The following WWOX variants were observed in gnomAD, a reference collection of about 807,000 sequenced individuals.
The protein encoded by WWOX is WW domain-containing oxidoreductase.
A neutral mutation model predicts 46.2 loss-of-function variants in WWOX; 69 were observed. That is an observed-to-expected ratio of 1.49 (90% confidence interval 1.23 to 1.82). WWOX has a LOEUF of 1.82. WWOX is among the 40% of genes most tolerant of loss of function. The pLI is 0.00. For synonymous variants in WWOX, 359 were observed against 202.6 expected, an observed-to-expected ratio of 1.77 and a Z score of -6.56; for missense variants, 919 against 542.6, an observed-to-expected ratio of 1.69 and a Z score of -6.89.
chr16:78,274,606 C>A (rs543326488), intron 5 of WWOX, among the ~76,000 whole-genome samples: 14 of 152,236 alleles, frequency 9.2e-5, no homozygotes, highest in African/African-American at 3.4e-4. Flanking sequence ...TTCAATGTTG[C>A]TCATCAGGGT....
intron 8 of WWOX, among the ~76,000 whole-genome samples, chr16:78,857,078 T>C (rs767695264): frequency 5.9e-5 from 9 of 152,246 alleles, no homozygotes; most frequent in Non-Finnish European, 1.2e-4. Flanking sequence ...GGGATCACCA[T>C]TGCATATGTG....
At chr16:78,216,043 C>T (rs2036710886) in intron 5 of WWOX, among the ~76,000 whole-genome samples, 1 of 152,186 alleles carries the variant, frequency 6.6e-6, no homozygotes, top group Non-Finnish European at 1.5e-5. Flanking sequence ...AGGGGCACAA[C>T]AGAGACACAA....
chr16:78,331,439 C>A (rs909459897), intron 5 of WWOX, among the ~76,000 whole-genome samples: 1 of 152,176 alleles, frequency 6.6e-6, no homozygotes, highest in African/African-American at 2.4e-5. Context: ...ATGACAGTGT[C>A]TTATTTTCCA....
intron 8 of WWOX, among the ~76,000 whole-genome samples, chr16:78,877,543 C>T (rs1286011218): frequency 6.6e-6 from 1 of 152,214 alleles, no homozygotes; most frequent in African/African-American, 2.4e-5. Flanking sequence ...GAGCCTTGCA[C>T]CCTCTCTTCC....
At chr16:78,440,601 T>C (rs534464706) in intron 8 of WWOX, among the ~76,000 whole-genome samples, 4 of 150,938 alleles carry the variant, frequency 2.7e-5, no homozygotes, top group East Asian at 3.9e-4. Context: ...TTTGAAAACA[T>C]AATTTCTGTA....
At chr16:78,619,908 A>C (rs1167067447) in intron 8 of WWOX, among the ~76,000 whole-genome samples, 1 of 152,032 alleles carries the variant, frequency 6.6e-6, no homozygotes, top group African/African-American at 2.4e-5. Context: ...TCTCCAAAAT[A>C]AATAAATAAA....
At chr16:78,732,312 T>C (rs1006527089) in intron 8 of WWOX, among the ~76,000 whole-genome samples, 2 of 152,076 alleles carry the variant, frequency 1.3e-5, no homozygotes, top group African/African-American at 4.8e-5. Context: ...ACCCTCAAAA[T>C]TTGGCCACCA....
At chr16:78,607,618 G>C (rs942007349) in intron 8 of WWOX, among the ~76,000 whole-genome samples, 2 of 150,228 alleles carry the variant, frequency 1.3e-5, no homozygotes, top group Middle Eastern at 3.5e-3. Flanking sequence ...TTCAGCTGGC[G>C]TAAGAGGAGT....
intron 8 of WWOX, among the ~76,000 whole-genome samples, chr16:79,025,093 C>T (rs1277178725): frequency 6.6e-6 from 1 of 151,112 alleles, no homozygotes; most frequent in African/African-American, 2.4e-5. Context: ...CTCCCAAGAG[C>T]AGTGAAGAGT....
chr16:78,762,379 C>T (rs1426092197), intron 8 of WWOX, among the ~76,000 whole-genome samples: 1 of 152,178 alleles, frequency 6.6e-6, no homozygotes, highest in South Asian at 2.1e-4. Context: ...GAATTTTAAC[C>T]AGAGTCTCTT....
Position 78,833,620 on chromosome 16 carries a change from G to T in WWOX, c.1057-377988G>T, listed in dbSNP as rs182454965. 7.2e-5 allele frequency among the ~76,000 whole-genome samples: 11 copies of T among 152,316 alleles called. No individual in the cohort carries two copies. In the East Asian group the frequency reaches 2.1e-3, roughly 29 times the overall value. ...TCGCTTGTTAATTTACTGCACATATGTTCCTTTCTCTTGTGCATTACTGAT... is the reference window on the plus strand; with the variant it reads ...TCGCTTGTTAATTTACTGCACATATTTTCCTTTCTCTTGTGCATTACTGAT... On this transcript the variant is annotated intron_variant, in intron 8 of 8. Transcript: ENST00000566780.
chr16:78,469,148 G>A (rs1386246224), intron 8 of WWOX, among the ~76,000 whole-genome samples: 1 of 152,186 alleles, frequency 6.6e-6, no homozygotes, highest in Non-Finnish European at 1.5e-5. Flanking sequence ...CAGGTTTGAA[G>A]TTGCAAGAAG....
chr16:78,511,552 G>C (rs187224300), intron 8 of WWOX, among the ~76,000 whole-genome samples: 28 of 152,290 alleles, frequency 1.8e-4, no homozygotes, highest in Middle Eastern at 6.8e-3. Flanking sequence ...ATGGATTCGA[G>C]TGATTACAGC....
chr16:78,931,805 G>C lies in WWOX; in HGVS notation c.1057-279803G>C, dbSNP rs545954155. Among the ~76,000 whole-genome samples, 5 of 152,274 alleles carry C rather than the reference G, an allele frequency of 3.3e-5. No homozygotes were observed. The East Asian group carries it at 5.8e-4, about 18-fold the overall frequency. ...ATGGTTTAGCTGTGTCTCCACCCAA[G>C]TCTCATCTTGAACTTTAGCTCCCAT... On this transcript the variant is annotated intron_variant, in intron 8 of 8. Coordinates refer to ENST00000566780, the MANE Select transcript of WWOX (RefSeq NM_016373.4).
At chr16:79,036,884 C>G (rs912098114) in intron 8 of WWOX, among the ~76,000 whole-genome samples, 2 of 152,098 alleles carry the variant, frequency 1.3e-5, no homozygotes, top group African/African-American at 4.8e-5. Context: ...GTGGAAGTGC[C>G]AAAGGGATTC....
At chr16:79,197,829 G>A (rs1405015400) in intron 8 of WWOX, among the ~76,000 whole-genome samples, 1 of 152,172 alleles carries the variant, frequency 6.6e-6, no homozygotes, top group Non-Finnish European at 1.5e-5. Context: ...ATGATGGGAA[G>A]TCCTTATATC....
At chr16:79,140,615 C>A (rs372481739) in intron 8 of WWOX, among the ~76,000 whole-genome samples, 1 of 152,208 alleles carries the variant, frequency 6.6e-6, no homozygotes, top group African/African-American at 2.4e-5. Flanking sequence ...GGCAGGCAAG[C>A]CACCAGGTGG....
At chr16:78,662,690 G>C (rs72794738) in intron 8 of WWOX, among the ~76,000 whole-genome samples, 4,546 of 152,320 alleles carry the variant, frequency 0.03, 89 homozygotes, top group Non-Finnish European at 0.046. Flanking sequence ...GCCTGGTTCA[G>C]CATCTCTTGC....
chr16:78,161,155 T>C (rs1176632894), intron 4 of WWOX, among the ~76,000 whole-genome samples: 2 of 152,170 alleles, frequency 1.3e-5, no homozygotes, highest in African/African-American at 2.4e-5. Flanking sequence ...TTTTTTATGC[T>C]TATGTTTAAA....
Sources: gnomAD v4.1 joint callset for allele counts (sites outside exome capture counted in the v4.1 genomes callset) on GRCh38, gnomAD v4.1.1 for gene constraint, MANE v1.5 for transcripts, NCBI Gene and HGNC (gene_info 2026-07-23, HGNC 2026-07-21) for gene names.